ANTXR2: variants seen among roughly 807,000 people sequenced by gnomAD.
The protein encoded by ANTXR2 is ANTXR cell adhesion molecule 2.
A neutral mutation model predicts 73.7 loss-of-function variants in ANTXR2; 44 were observed. The ratio of observed to expected loss-of-function variants is 0.60; its 90% CI spans 0.47 to 0.77. The LOEUF (loss-of-function observed/expected upper bound fraction) is 0.77, where lower values mean the gene tolerates loss of function less well. Among genes scored for constraint, ANTXR2 ranks in the 30% least tolerant of loss-of-function variants. The probability of loss-of-function intolerance (pLI) is 0.00; values close to 1 mark genes in which losing one functional copy is unlikely to be tolerated. For synonymous variants in ANTXR2, 217 were observed against 205.9 expected (o/e 1.05, Z -0.46); for missense variants, 604 against 592.5 (o/e 1.02, Z -0.20).
chr4:79,973,850 T>G (rs535096447), intron 16 of ANTXR2, among the ~76,000 whole-genome samples: 1 of 152,298 alleles, frequency 6.6e-6, no homozygotes, highest in East Asian at 1.9e-4. Context: ...CATATGCTGA[T>G]AACTACAGAT....
At chr4:80,019,067 G>A (rs1191250588) in intron 10 of ANTXR2, 91 bp from the exon 11 acceptor site, 1 of 849,320 alleles carries the variant, frequency 1.2e-6, no homozygotes, top group Non-Finnish European at 1.7e-6. Flanking sequence ...AAACCAGCCA[G>A]AAAACATACT....
chr4:79,977,538 A>G (rs1347345412), intron 16 of ANTXR2, 83 bp downstream of exon 16: 1 of 1,524,936 alleles, frequency 6.6e-7, no homozygotes, highest in Admixed American at 2.3e-5. Context: ...GGGCTTTAAA[A>G]TCATTTTTTA....
At chr4:79,992,161 G>A (rs901435665) in intron 12 of ANTXR2, among the ~76,000 whole-genome samples, 3 of 151,930 alleles carry the variant, frequency 2.0e-5, no homozygotes, top group African/African-American at 4.8e-5. Flanking sequence ...TTGAAGCTGA[G>A]TAATGAAGAC....
chr4:80,000,726 CAT>C (rs1402023252), intron 12 of ANTXR2, among the ~76,000 whole-genome samples: 2 of 152,010 alleles, frequency 1.3e-5, no homozygotes, highest in Non-Finnish European at 2.9e-5. Context: ...CTGACTTTGA[CAT>C]GTTTCTTTTT....
In ANTXR2 at chr4:79,980,727, C is replaced by T. The variant is rs140698735; in HGVS notation, c.1180-2553G>A. Among the ~76,000 whole-genome samples the T allele has an allele frequency of 6.4e-4, 97 of 152,192 alleles. 1 individual carries two copies. The highest frequency in any genetic ancestry group is 3.4e-3 in the Middle Eastern group (1 of 294). On this transcript the variant is annotated intron_variant, in intron 14 of 16. Transcript: ENST00000403729. ...TGCTAACAGCTGTTATTAACATCAT[C>T]TCCGTTCCAGCTTTCTAAAAATTCC...
At chr4:79,992,097 C>T (rs1730497866) in intron 12 of ANTXR2, among the ~76,000 whole-genome samples, 1 of 151,676 alleles carries the variant, frequency 6.6e-6, no homozygotes, top group Non-Finnish European at 1.5e-5. Context: ...TACATGTACC[C>T]CTGAACCTAA....
chr4:80,018,460 A>C (rs1731988444), intron 11 of ANTXR2, among the ~76,000 whole-genome samples: 1 of 152,332 alleles, frequency 6.6e-6, no homozygotes, highest in Non-Finnish European at 1.5e-5. Context: ...AGAAAGCACC[A>C]ATATTTTAAA....
At position 80,072,805 on chromosome 4, in the gene ANTXR2, G is replaced by C; in HGVS notation, c.-245C>G. 2 of 1,032,780 alleles carry C rather than the reference G, an allele frequency of 1.9e-6. No homozygotes were observed. The highest frequency in any genetic ancestry group is 3.2e-5 in the South Asian group (1 of 31,548). 64.0% of individuals were successfully genotyped at this position (1,032,780 alleles called of 1,614,324 possible). ...CCGGAACTCTTGACGAATCCCAGTG[G>C]AAGCGCGATCCAGTCCTCCCCCTCC... On this transcript the variant is annotated 5_prime_UTR_variant, in exon 1 of 17. Transcript: ENST00000403729.
At chr4:80,013,740 C>T (rs753319725) in intron 11 of ANTXR2, among the ~76,000 whole-genome samples, 5 of 152,120 alleles carry the variant, frequency 3.3e-5, no homozygotes, top group Non-Finnish European at 7.4e-5. Context: ...TCAGCAGGTG[C>T]ATCTCATCAG....
At chr4:79,915,816 CTCTG>C (rs1279849680) in intron 16 of ANTXR2, among the ~76,000 whole-genome samples, 239 of 122,958 alleles carry the variant, frequency 1.9e-3, no homozygotes, top group African/African-American at 6.3e-3. Context: ...CTGTCTCTGT[CTCTG>C]TCTCTCTCCC....
intron 16 of ANTXR2, among the ~76,000 whole-genome samples, chr4:79,966,695 C>T (rs903525811): frequency 7.2e-5 from 11 of 151,818 alleles, no homozygotes; most frequent in African/African-American, 2.7e-4. Flanking sequence ...TATCACTGCC[C>T]CATGCAAATA....
chr4:80,016,715 CA>C (rs1731890673), intron 11 of ANTXR2, among the ~76,000 whole-genome samples: 1 of 152,210 alleles, frequency 6.6e-6, no homozygotes, highest in African/African-American at 2.4e-5. Flanking sequence ...TGCCTGATGA[CA>C]ATTCATCCTT....
At chr4:80,021,462 T>C (rs1732161039) in intron 10 of ANTXR2, among the ~76,000 whole-genome samples, 1 of 152,150 alleles carries the variant, frequency 6.6e-6, no homozygotes, top group South Asian at 2.1e-4. Flanking sequence ...ATAATTTTCA[T>C]TCATAATAAT....
At chr4:80,031,778 C>T in intron 9 of ANTXR2, 86 bp from the exon 10 acceptor site, 1 of 739,932 alleles carries the variant, frequency 1.4e-6, no homozygotes, top group South Asian at 3.8e-5. Flanking sequence ...ATGCTTCAAT[C>T]AGAGTTCAAA....
intron 1 of ANTXR2, 82 bp downstream of exon 1, chr4:80,072,327 G>T: frequency 7.1e-7 from 1 of 1,417,420 alleles, no homozygotes; most frequent in South Asian, 1.6e-5. Flanking sequence ...TCCCCGGGGT[G>T]CGCACACGCA....
At chr4:79,926,931 A>ATG (rs10674128) in intron 16 of ANTXR2, among the ~76,000 whole-genome samples, 82,251 of 114,244 alleles carry the variant, frequency 0.72, 29,090 homozygotes, top group East Asian at 0.99. Context: ...ATATATACAC[A>ATG]TGTGCATATA....
chr4:80,057,349 T>C (rs1734047214), intron 3 of ANTXR2, among the ~76,000 whole-genome samples: 1 of 151,964 alleles, frequency 6.6e-6, no homozygotes. Flanking sequence ...TCAAAACATT[T>C]TGTCATGCTG....
chr4:80,049,655 C>T (rs1205371338), intron 7 of ANTXR2, among the ~76,000 whole-genome samples: 1 of 151,648 alleles, frequency 6.6e-6, no homozygotes, highest in African/African-American at 2.4e-5. Context: ...TGTACAATAA[C>T]CCTCTTGTCC....
At chr4:79,926,932 T>TGC (rs1553925959) in intron 16 of ANTXR2, among the ~76,000 whole-genome samples, 14 of 7,676 alleles carry the variant, frequency 1.8e-3, no homozygotes, top group African/African-American at 4.1e-3. Flanking sequence ...TATATACACA[T>TGC]GTGCATATAT....
Sources: allele counts gnomAD v4.1 joint callset (sites outside exome capture counted in the v4.1 genomes callset), GRCh38; gene constraint gnomAD v4.1.1; transcripts MANE v1.5; gene names NCBI Gene and HGNC (gene_info 2026-07-23, HGNC 2026-07-21).